Variants in PKD1 observed in about 807,000 individuals in gnomAD.
PKD1 encodes the protein polycystin 1, transient receptor potential channel interacting.
A neutral mutation model predicts 361.7 loss-of-function variants in PKD1; 81 were observed. The observed-to-expected ratio is 0.22, with a 90% confidence interval of 0.19 to 0.27. PKD1 has a LOEUF of 0.27. Ranked by LOEUF, PKD1 falls within the 10% of genes least tolerant of loss-of-function variation. The pLI is 1.00. For missense variants in PKD1, 6,399 were observed against 6,118.3 expected (o/e 1.05, Z -1.53); for synonymous variants, 3,615 against 2,818.3 (o/e 1.28, Z -8.95).
intron 32 of PKD1, 53 bp from the exon 33 acceptor site, chr16:2,097,556 C>A: frequency 7.5e-6 from 12 of 1,604,064 alleles, no homozygotes; most frequent in Non-Finnish European, 1.0e-5. Context: ...CACACACAGC[C>A]CACCCCCGTC....
Position 2,090,060 on chromosome 16 carries a change from C to T in PKD1, c.12579G>A (p.Gln4193=), listed in dbSNP as rs2091404843. The change falls in exon 46 of 46, where the codon CAG becomes CAA. Residue 4193 remains glutamine, a synonymous_variant. Coordinates refer to ENST00000262304, the MANE Select transcript of PKD1 (RefSeq NM_001009944.3). The stretch of plus-strand genomic sequence containing the variant: ...CCAGGCTCACGCTCAGCCCATCCAG[C>T]TGGCTGGAGGAGGTGGAGGGGTGCG... ...DASHPSTSSS[Q]LDGLSVSLGR... 2 of 1,611,084 alleles carry T rather than the reference C, an allele frequency of 1.2e-6. No individual in the cohort carries two copies. The highest frequency in any genetic ancestry group is 1.3e-5 in the African/African-American group (1 of 75,038).
Position 2,097,222 on chromosome 16 carries a change from C to T in PKD1, c.10425G>A (p.Gln3475=). The T allele has an allele frequency of 1.1e-5, 17 of 1,579,072 alleles. No homozygotes were observed. The highest frequency in any genetic ancestry group is 1.4e-5 in the Non-Finnish European group (16 of 1,162,420). The change falls in exon 34 of 46, where the codon CAG becomes CAA. Residue 3475 remains glutamine, a synonymous_variant. Coordinates refer to ENST00000262304, the MANE Select transcript of PKD1 (RefSeq NM_001009944.3). ...FSASDEDLIQ[Q]VLAEGVSSPA... ...GGCTGCTGACCCCCTCGGCAAGGAC[C>T]TGCTGGATCAGGTCTTCATCTAGAG... is the stretch of plus-strand genomic sequence containing the variant.
At position 2,104,526 on chromosome 16, in the gene PKD1, G is replaced by A. The variant is rs747927637; in HGVS notation, c.8133C>T (p.Ala2711=). Residue 2711 remains alanine (A), a synonymous_variant, in exon 22 of 46, where the codon GCC becomes GCT. Transcript: ENST00000262304. ...TGATGTTGAGGATGCTGTCTCCGAT[G>A]GCGGTGGGCGTCACGGTGCCCGCGG... ...ETTAGTVTPT[A]IGDSILNITG... 2.6e-6 allele frequency: 4 copies of A among 1,562,004 alleles called. No individual in the cohort carries two copies. Among genetic ancestry groups the A allele is most frequent in the South Asian group, 2.3e-5 (2 of 86,114 alleles).
intron 34 of PKD1, chr16:2,094,830 G>C (rs1196346289): frequency 1.3e-5 from 2 of 154,168 alleles, no homozygotes; most frequent in African/African-American, 4.8e-5. Flanking sequence ...ACGTTGAGGG[G>C]GAGGACGAGA....
At position 2,118,895 on chromosome 16, in the gene PKD1, A is replaced by G. The variant is rs1284824717; in HGVS notation, c.360-50T>C. The G allele has an allele frequency of 7.9e-7, 1 of 1,264,128 alleles. No individual in the cohort carries two copies. Among genetic ancestry groups the G allele is most frequent in the Non-Finnish European group, 1.1e-6 (1 of 888,156 alleles). The allele number at this position is 1,264,128 out of a possible 1,614,324, so 78.3% of individuals were successfully genotyped here. A position where few individuals can be genotyped will look rare whatever the true frequency, so the allele number is the denominator to read the frequency against. On this transcript the variant is annotated intron_variant, in intron 3 of 45. Coordinates refer to ENST00000262304, the MANE Select transcript of PKD1 (RefSeq NM_001009944.3). The surrounding 1 kb of genome is among the most constrained non-coding windows in gnomAD (Gnocchi z 6.0). ...GGACCAGGTCTGGTGGGAAGGGTCTATGCCAGCCCCCCACTGGCAACCAGG... is the reference window on the plus strand; with the variant it reads ...GGACCAGGTCTGGTGGGAAGGGTCTGTGCCAGCCCCCCACTGGCAACCAGG...
chr16:2,090,745 G>A lies in PKD1; in HGVS notation c.12067C>T (p.Leu4023=), dbSNP rs746392681. 8.7e-6 allele frequency: 14 copies of A among 1,612,524 alleles called. No individual in the cohort carries two copies. Among genetic ancestry groups the A allele is most frequent in the African/African-American group, 6.7e-5 (5 of 74,908 alleles). ...AAGGTGACCCCCAGGAGCTCTGGCA[G>A]AGCTCGGCATAATGTCTTGCCAAAG... The part of the protein sequence containing the change: ...SVFGKTLCRA[L]PELLGVTLGL... Residue 4023 remains leucine (L), a synonymous_variant, in exon 44 of 46, where the codon CTG becomes TTG. Transcript: ENST00000262304.
chr16:2,132,905 A>C (rs1596630139), intron 1 of PKD1, among the ~76,000 whole-genome samples: 1 of 150,522 alleles, frequency 6.6e-6, no homozygotes, highest in Admixed American at 6.6e-5. Context: ...AATATGGAGA[A>C]ACCCTGTCTC....
rs982607400 is a variant in PKD1, at chr16:2,089,670, G to C, written c.*57C>G. ...CCCTCGGCCTTGACAGCGGCAGAAA[G>C]TAATACTGAGCGGTGTCCACTCCGA... On this transcript the variant is annotated 3_prime_UTR_variant, in exon 46 of 46. Coordinates refer to ENST00000262304, the MANE Select transcript of PKD1 (RefSeq NM_001009944.3). The C allele has an allele frequency of 3.9e-6, 6 of 1,544,686 alleles. No homozygotes were observed. The highest frequency in any genetic ancestry group is 5.2e-6 in the Non-Finnish European group (6 of 1,143,954).
In PKD1 at chr16:2,110,943, G is replaced by A. The variant is rs770961371; in HGVS notation, c.4224C>T (p.Phe1408=). 2 of 1,610,936 alleles carry A rather than the reference G, an allele frequency of 1.2e-6. No individual in the cohort carries two copies. The highest frequency in any genetic ancestry group is 3.3e-5 in the Admixed American group (2 of 60,012). Residue 1408 remains phenylalanine (F), a synonymous_variant, in exon 15 of 46, where the codon TTC becomes TTT. Coordinates refer to ENST00000262304, the MANE Select transcript of PKD1 (RefSeq NM_001009944.3). ...AWLVACAWPP[F]PYRYTWDFGT... ...CAAAGTCCCAGGTGTAGCGGTAGGG[G>A]AACGGGGGCCAGGCACATGCCACCA...
In PKD1 at chr16:2,093,626, C is replaced by T. The variant is rs753960606; in HGVS notation, c.10934G>A (p.Arg3645His). The change falls in exon 37 of 46, where the codon CGC (arginine) becomes CAC (histidine). Residue 3645 changes from arginine (R) to histidine (H), a missense_variant. By Grantham distance (29) the Arg-to-His change is conservative. Coordinates refer to ENST00000262304, the MANE Select transcript of PKD1 (RefSeq NM_001009944.3). ...TGCAAAGCCGTGGGGTGGCCGTACG[C>T]GGGGCACACGTGCGCTCACAGGCGT... ...AVTPVSARVP[R>H]VRPPHGFALF... 13 of 1,609,342 alleles carry T rather than the reference C, an allele frequency of 8.1e-6. No homozygotes were observed. In the Middle Eastern group the frequency reaches 4.9e-4, roughly 61 times the overall value.
At position 2,088,904 on chromosome 16, in the gene PKD1, C is replaced by A. The variant is rs778239438; in HGVS notation, c.*823G>T. 9.5e-6 allele frequency: 4 copies of A among 420,128 alleles called. No individual in the cohort carries two copies. In the East Asian group the frequency reaches 1.3e-4, roughly 14 times the overall value. 26.0% of individuals were successfully genotyped at this position (420,128 alleles called of 1,614,324 possible). On this transcript the variant is annotated 3_prime_UTR_variant, in exon 46 of 46. Transcript: ENST00000262304. ...GCGCACACACACACACACACAGTCACCTTCCTCCACCCTGGGAGCCAGCCC... is the reference window on the plus strand; with the variant it reads ...GCGCACACACACACACACACAGTCAACTTCCTCCACCCTGGGAGCCAGCCC...
chr16:2,113,731 A>G (rs1368241677), intron 11 of PKD1: 1 of 355,012 alleles, frequency 2.8e-6, no homozygotes, highest in African/African-American at 2.1e-5. Flanking sequence ...CCCCTGGTGA[A>G]GAGGCAGGTA....
intron 11 of PKD1, 79 bp downstream of exon 11, chr16:2,114,091 C>T (rs924890443): frequency 8.3e-7 from 1 of 1,209,178 alleles, no homozygotes; most frequent in Non-Finnish European, 1.2e-6. Context: ...ACTGGGAAGC[C>T]AGGCCTCACG....
chr16:2,092,041 G>A lies in PKD1; in HGVS notation c.11411+6C>T. 1.9e-6 allele frequency: 3 copies of A among 1,612,758 alleles called. No individual in the cohort carries two copies. Among genetic ancestry groups the A allele is most frequent in the South Asian group, 1.1e-5 (1 of 91,082 alleles). On this transcript the variant is annotated splice_donor_region_variant and intron_variant, in intron 40 of 45. Coordinates refer to ENST00000262304, the MANE Select transcript of PKD1 (RefSeq NM_001009944.3). ...CGTAGACGCCCGGGGCCCTCGCTCT[G>A]CTCACCCCAGCAGATCCGGCGCTGA...
chr16:2,091,662 G>A, intron 41 of PKD1, 65 bp from the exon 42 acceptor site: 1 of 1,558,384 alleles, frequency 6.4e-7, no homozygotes, highest in Non-Finnish European at 8.6e-7. Flanking sequence ...ACCGCGCAGT[G>A]CAGGCGTGGC....
intron 1 of PKD1, among the ~76,000 whole-genome samples, chr16:2,121,723 G>C (rs1432659166): frequency 1.7e-5 from 2 of 115,774 alleles, no homozygotes; most frequent in Non-Finnish European, 3.6e-5. Flanking sequence ...CTGGTCCCAC[G>C]CACTCCCAGT....
rs187095560 is a variant in PKD1 at position 2,098,342 on chromosome 16, G to A, written c.10051-358C>T. Among the ~76,000 whole-genome samples the A allele has an allele frequency of 3.5e-3, 533 of 152,218 alleles. 1 individual carries two copies. Among genetic ancestry groups the A allele is most frequent in the African/African-American group, 0.012 (514 of 41,508 alleles). Reference sequence around the variant, plus strand: ...TCCTGGCTCAGCCTCCTGAGTAGCTGGGATTACAGGTGCCTGCCACCATGC... The same window carrying A: ...TCCTGGCTCAGCCTCCTGAGTAGCTAGGATTACAGGTGCCTGCCACCATGC... On this transcript the variant is annotated intron_variant, in intron 30 of 45. Transcript: ENST00000262304.
chr16:2,105,729 G>A (rs1182508311), intron 20 of PKD1, 136 bp downstream of exon 20: 12 of 1,289,662 alleles, frequency 9.3e-6, no homozygotes, highest in East Asian at 2.5e-5. Context: ...GGAAGGTCGG[G>A]GTGCTGCTTC....
At chr16:2,126,019 G>A (rs547068912) in intron 1 of PKD1, among the ~76,000 whole-genome samples, 1 of 151,840 alleles carries the variant, frequency 6.6e-6, no homozygotes, top group African/African-American at 2.4e-5. Flanking sequence ...GGGGGGGCAA[G>A]CAAACTGGCC....
Sources: allele counts gnomAD v4.1 joint callset (sites outside exome capture counted in the v4.1 genomes callset), GRCh38; gene constraint gnomAD v4.1.1; non-coding constraint Gnocchi (gnomAD v3.1); transcripts MANE v1.5; gene names NCBI Gene and HGNC (gene_info 2026-07-23, HGNC 2026-07-21).